The following TBC1D32 variants were observed in gnomAD, a reference collection of about 807,000 sequenced individuals.
TBC1D32 encodes the protein TBC1 domain family member 32.
Under a neutral mutation model 170.3 loss-of-function variants are expected in TBC1D32, and 151 were observed. That is an observed-to-expected ratio of 0.89 (90% CI 0.78 to 1.01). The LOEUF (loss-of-function observed/expected upper bound fraction) is 1.01, where lower values mean the gene tolerates loss of function less well. TBC1D32 is among the 50% of genes least tolerant of loss of function. The pLI is 0.00. For synonymous variants in TBC1D32, 498 were observed against 488.0 expected (o/e 1.02, Z -0.27); for missense variants, 1,464 against 1,457.1 (o/e 1.00, Z -0.08).
chr6:121,298,061 T>C (rs1213894188), intron 10 of TBC1D32, among the ~76,000 whole-genome samples: 1 of 152,130 alleles, frequency 6.6e-6, no homozygotes, highest in Non-Finnish European at 1.5e-5. Flanking sequence ...CCCTTGATTC[T>C]GAAAATACAA....
At chr6:121,276,470 A>C (rs962487551) in intron 15 of TBC1D32, among the ~76,000 whole-genome samples, 9 of 152,194 alleles carry the variant, frequency 5.9e-5, no homozygotes, top group African/African-American at 2.2e-4. Flanking sequence ...AAATGAAATC[A>C]CATAGAACGC....
chr6:121,101,699 A>G (rs1176659421), intron 30 of TBC1D32, among the ~76,000 whole-genome samples: 2 of 152,174 alleles, frequency 1.3e-5, no homozygotes, highest in Non-Finnish European at 2.9e-5. Flanking sequence ...GCCCTCTCTC[A>G]CCACTCCTAT....
intron 22 of TBC1D32, among the ~76,000 whole-genome samples, chr6:121,185,725 T>C (rs1789120697): frequency 6.6e-6 from 1 of 152,048 alleles, no homozygotes; most frequent in Admixed American, 6.6e-5. Flanking sequence ...AAACATTATC[T>C]TACTATGGAC....
chr6:121,090,363 T>C (rs1359317891), intron 31 of TBC1D32, among the ~76,000 whole-genome samples: 3 of 152,218 alleles, frequency 2.0e-5, no homozygotes, highest in Non-Finnish European at 4.4e-5. Flanking sequence ...ATTGAGAAAG[T>C]AACTATATCT....
At chr6:121,273,653 A>AAT (rs397772720) in intron 15 of TBC1D32, among the ~76,000 whole-genome samples, 1 of 151,442 alleles carries the variant, frequency 6.6e-6, no homozygotes, top group Non-Finnish European at 1.5e-5. Flanking sequence ...AAAAAAAAAA[A>AAT]GCTGTTGAAT....
intron 12 of TBC1D32, among the ~76,000 whole-genome samples, chr6:121,285,124 A>G (rs771559678): frequency 2.6e-5 from 4 of 152,216 alleles, no homozygotes; most frequent in Admixed American, 2.6e-4. Context: ...AAGGCTCACA[A>G]GATAAGAATG....
At position 121,279,174 on chromosome 6, in the gene TBC1D32, T is replaced by G; in HGVS notation, c.1680A>C (p.Glu560Asp). The part of the protein sequence containing the change: ...AGILARIASV[E>D]EGLILLLYGA... ...CATAAAGGAGTAAAATAAGCCCTTC[T>G]TCTACAGATGCAATTCTTGCCAAAA... The change falls in exon 15 of 32, where the codon GAA becomes GAC. Residue 560 changes from glutamate to aspartate, a missense_variant. Glu to Asp is a conservative substitution (Grantham distance 45). This residue lies in a region of TBC1D32 where 1,363 missense variants were observed against 1,338.1 expected (regional missense o/e 1.02). Coordinates refer to ENST00000398212, the MANE Select transcript of TBC1D32 (RefSeq NM_152730.6). 6.2e-7 allele frequency: 1 copy of G among 1,611,862 alleles called. No homozygotes were observed. Among genetic ancestry groups the G allele is most frequent in the Non-Finnish European group, 8.5e-7 (1 of 1,179,008 alleles).
intron 22 of TBC1D32, among the ~76,000 whole-genome samples, chr6:121,169,022 C>T (rs114530373): frequency 0.012 from 1,884 of 151,684 alleles, 38 homozygotes; most frequent in African/African-American, 0.043. Context: ...CAATGCTATT[C>T]GTATTAAACT....
chr6:121,219,604 C>T (rs1012511870), intron 21 of TBC1D32, among the ~76,000 whole-genome samples: 11 of 152,142 alleles, frequency 7.2e-5, no homozygotes, highest in African/African-American at 2.7e-4. Flanking sequence ...GATTTATATA[C>T]CTCTAAGACA....
At chr6:121,209,907 A>G (rs1332833311) in intron 21 of TBC1D32, among the ~76,000 whole-genome samples, 1 of 152,222 alleles carries the variant, frequency 6.6e-6, no homozygotes, top group East Asian at 1.9e-4. Context: ...AAATCAAAAA[A>G]TGTCCCATTT....
intron 11 of TBC1D32, among the ~76,000 whole-genome samples, 192 bp downstream of exon 11, chr6:121,294,378 T>C (rs765925115): frequency 1.3e-5 from 2 of 152,146 alleles, no homozygotes; most frequent in Non-Finnish European, 2.9e-5. Flanking sequence ...ATTTCAAATG[T>C]AGATCTGTTA....
intron 15 of TBC1D32, among the ~76,000 whole-genome samples, chr6:121,275,735 C>A (rs563714160): frequency 1.3e-5 from 2 of 152,064 alleles, no homozygotes; most frequent in African/African-American, 4.8e-5. Flanking sequence ...GCCCTCTGAC[C>A]CAGCAATATC....
chr6:121,140,494 A>T (rs1782653202), intron 24 of TBC1D32, among the ~76,000 whole-genome samples: 1 of 152,062 alleles, frequency 6.6e-6, no homozygotes, highest in East Asian at 1.9e-4. Context: ...GGTATATTAC[A>T]TTAAAAGGAA....
intron 18 of TBC1D32, 150 bp downstream of exon 18, chr6:121,242,051 T>TAA: frequency 1.3e-6 from 1 of 740,834 alleles, no homozygotes; most frequent in Non-Finnish European, 2.1e-6. Context: ...AATGTTTTCC[T>TAA]AAAAAAAAAT....
chr6:121,237,545 TTTTTC>T (rs1796471510), intron 20 of TBC1D32, among the ~76,000 whole-genome samples: 1 of 151,956 alleles, frequency 6.6e-6, no homozygotes, highest in African/African-American at 2.4e-5. Flanking sequence ...ATCACTGAAG[TTTTTC>T]TTTTATTTCA....
intron 3 of TBC1D32, among the ~76,000 whole-genome samples, chr6:121,313,237 C>G (rs1205668086): frequency 6.7e-6 from 1 of 149,368 alleles, no homozygotes; most frequent in Non-Finnish European, 1.5e-5. Context: ...TCCCAAAGTG[C>G]TGGGATTACA....
chr6:121,225,261 T>C (rs911747322), intron 20 of TBC1D32, among the ~76,000 whole-genome samples: 1 of 152,056 alleles, frequency 6.6e-6, no homozygotes, highest in Non-Finnish European at 1.5e-5. Flanking sequence ...TTAATCCAAT[T>C]TAGTTTATCC....
chr6:121,131,077 A>G (rs541782364), intron 25 of TBC1D32, among the ~76,000 whole-genome samples: 1 of 152,204 alleles, frequency 6.6e-6, no homozygotes, highest in South Asian at 2.1e-4. Flanking sequence ...TGACATTAGA[A>G]CTTTTTTCTA....
At chr6:121,087,168 A>G (rs1249882611) in intron 31 of TBC1D32, among the ~76,000 whole-genome samples, 1 of 152,350 alleles carries the variant, frequency 6.6e-6, no homozygotes, top group South Asian at 2.1e-4. Context: ...CTGTGAAACA[A>G]TCAGACAATG....
Sources: gnomAD v4.1 joint callset for allele counts (sites outside exome capture counted in the v4.1 genomes callset) on GRCh38, gnomAD v4.1.1 for gene constraint, gnomAD v4.1.1 regional missense constraint, MANE v1.5 for transcripts, NCBI Gene and HGNC (gene_info 2026-07-23, HGNC 2026-07-21) for gene names.